GOLGA3: variants seen among roughly 807,000 people sequenced by gnomAD.
The protein encoded by GOLGA3 is golgin subfamily A member 3.
A neutral mutation model predicts 169.4 loss-of-function variants in GOLGA3; 75 were observed. The observed-to-expected ratio is 0.44, with a 90% confidence interval of 0.37 to 0.54. The LOEUF (loss-of-function observed/expected upper bound fraction) is 0.54, where lower values mean the gene tolerates loss of function less well. Ranked by LOEUF, GOLGA3 falls within the 20% of genes least tolerant of loss-of-function variation. The probability of loss-of-function intolerance (pLI) is 0.00; values close to 1 mark genes in which losing one functional copy is unlikely to be tolerated. For missense variants in GOLGA3, 1,899 were observed against 1,930.0 expected (o/e 0.98, Z 0.30); for synonymous variants, 824 against 822.4 (o/e 1.00, Z -0.03).
In GOLGA3 at chr12:132,808,589, C is replaced by T. The variant is rs773898589; in HGVS notation, c.520-40G>A. On this transcript the variant is annotated intron_variant, in intron 4 of 23. Transcript: ENST00000450791. ...AAAGTACAAAAATTACATTTAAAAT[C>T]CACAAGCAGCATACTTAAAACTGCC... 2.7e-6 allele frequency: 4 copies of T among 1,490,736 alleles called. No homozygotes were observed. The East Asian group carries it at 9.1e-5, about 34-fold the overall frequency. 92.3% of individuals were successfully genotyped at this position (1,490,736 alleles called of 1,614,324 possible).
intron 18 of GOLGA3, among the ~76,000 whole-genome samples, chr12:132,779,676 G>A (rs957193394): frequency 8.5e-5 from 13 of 152,114 alleles, no homozygotes; most frequent in African/African-American, 2.9e-4. Flanking sequence ...GTTCCTCCTA[G>A]AAATTTTCTA....
chr12:132,827,653 C>T (rs753951228), intron 1 of GOLGA3: 1 of 152,170 alleles, frequency 6.6e-6, no homozygotes, highest in Non-Finnish European at 1.5e-5. Context: ...AAAAAAAGCT[C>T]CTCTTCAATC....
rs200606854 is a variant in GOLGA3, at chr12:132,777,127, G to A, written c.3723-37C>T. 1.4e-5 allele frequency: 21 copies of A among 1,553,338 alleles called. No individual in the cohort carries two copies. Among genetic ancestry groups the A allele is most frequent in the Admixed American group, 4.0e-5 (2 of 50,336 alleles). ...AAACAAGAAAGAAGGGAATCGCCAC[G>A]CTCCTCCAGTGTGCTGTGCCCTCCC... On this transcript the variant is annotated intron_variant, in intron 19 of 23. Coordinates refer to ENST00000450791, the MANE Select transcript of GOLGA3 (RefSeq NM_001389683.1). The surrounding 1 kb of genome is among the most constrained non-coding windows in gnomAD (Gnocchi z 4.7).
At chr12:132,799,578 T>A (rs1224854890) in intron 8 of GOLGA3, among the ~76,000 whole-genome samples, 1 of 152,180 alleles carries the variant, frequency 6.6e-6, no homozygotes, top group African/African-American at 2.4e-5. Flanking sequence ...AGGTCAAGGC[T>A]GCAGGGAGCT....
chr12:132,798,010 G>A (rs1566105285), intron 9 of GOLGA3, among the ~76,000 whole-genome samples: 2 of 152,200 alleles, frequency 1.3e-5, no homozygotes, highest in African/African-American at 4.8e-5. Context: ...GGCAATGACT[G>A]ACAGCCGGGG....
rs1282077705 is a variant in GOLGA3, at chr12:132,773,213, C to T, written c.4389G>A (p.Leu1463=). The change falls in exon 24 of 24, where the codon CTG becomes CTA. Residue 1463 remains leucine, a synonymous_variant. Coordinates refer to ENST00000450791, the MANE Select transcript of GOLGA3 (RefSeq NM_001389683.1). Reference sequence around the variant, plus strand: ...GCACAGGGCTGGCAGTGGCTGGCTCCAGCGGCGTCCACGAGGACAGAGACT... The same window carrying T: ...GCACAGGGCTGGCAGTGGCTGGCTCTAGCGGCGTCCACGAGGACAGAGACT... ...VHESLSSWTP[L]EPATASPVPP... 1 of 1,576,116 alleles carries T rather than the reference C, an allele frequency of 6.3e-7. No individual in the cohort carries two copies. Among genetic ancestry groups the T allele is most frequent in the Non-Finnish European group, 8.6e-7 (1 of 1,158,936 alleles).
At chr12:132,785,716 A>C (rs1352087914) in intron 15 of GOLGA3, among the ~76,000 whole-genome samples, 5 of 152,202 alleles carry the variant, frequency 3.3e-5, no homozygotes, top group African/African-American at 4.8e-5. Context: ...AAGAAGAAAT[A>C]CTAAGTTGTC....
intron 23 of GOLGA3, among the ~76,000 whole-genome samples, chr12:132,773,573 C>T (rs938064796): frequency 8.5e-5 from 13 of 152,224 alleles, no homozygotes; most frequent in African/African-American, 2.9e-4. Context: ...GCCCTCGGGG[C>T]GCCGCCTGGC....
At chr12:132,773,372 T>C in intron 23 of GOLGA3, 78 bp from the exon 24 acceptor site, 1 of 925,544 alleles carries the variant, frequency 1.1e-6, no homozygotes, top group African/African-American at 1.7e-5. Flanking sequence ...ACAGCGTCAC[T>C]CGCTAGCACC....
chr12:132,821,331 C>G (rs1009785588), intron 2 of GOLGA3, among the ~76,000 whole-genome samples: 1 of 151,554 alleles, frequency 6.6e-6, no homozygotes, highest in Non-Finnish European at 1.5e-5. Flanking sequence ...TGCTTGAACC[C>G]GGGAAGTGGA....
chr12:132,814,024 T>A (rs888111149), intron 3 of GOLGA3, among the ~76,000 whole-genome samples: 4 of 28,428 alleles, frequency 1.4e-4, no homozygotes. Context: ...GCGCCCGGCC[T>A]TTTTTTTTTT....
intron 4 of GOLGA3, chr12:132,811,865 G>C: frequency 4.4e-6 from 4 of 916,502 alleles, no homozygotes; most frequent in African/African-American, 1.8e-5. Flanking sequence ...ACATGACATA[G>C]GCTGGGCGCG....
At chr12:132,782,150 C>A (rs189997643) in intron 17 of GOLGA3, 146 bp downstream of exon 17, 5 of 773,818 alleles carry the variant, frequency 6.5e-6, no homozygotes, top group Non-Finnish European at 1.1e-5. Context: ...GTGGGTCACC[C>A]GGACTCCTGA....
At chr12:132,782,609 G>C (rs1355015076) in intron 16 of GOLGA3, 116 bp from the exon 17 acceptor site, 11 of 790,064 alleles carry the variant, frequency 1.4e-5, no homozygotes, top group Non-Finnish European at 2.4e-5. Flanking sequence ...AGGCGCAGAG[G>C]CTCACGCCTG....
At chr12:132,822,503 G>A (rs907697571) in intron 1 of GOLGA3, among the ~76,000 whole-genome samples, 192 bp from the exon 2 acceptor site, 1 of 152,246 alleles carries the variant, frequency 6.6e-6, no homozygotes, top group Admixed American at 6.5e-5. Flanking sequence ...GCCACACTGG[G>A]CCCTTTCCTG....
intron 11 of GOLGA3, among the ~76,000 whole-genome samples, chr12:132,794,077 C>T (rs1948695340): frequency 6.6e-6 from 1 of 152,212 alleles, no homozygotes; most frequent in Non-Finnish European, 1.5e-5. Context: ...TTCATCCGTT[C>T]CGATGATCCT....
rs1234907081 is a variant in GOLGA3, at chr12:132,804,627, G to A, written c.1597+89C>T. On this transcript the variant is annotated intron_variant, in intron 7 of 23. Transcript: ENST00000450791. The surrounding 1 kb of genome is among the most constrained non-coding windows in gnomAD (Gnocchi z 4.1). ...GCAGCAAGGACCAGTCAGGGAAGGAGGAGGGCGTGGCGGGGGCCAGTCGAG... is the reference window on the plus strand; with the variant it reads ...GCAGCAAGGACCAGTCAGGGAAGGAAGAGGGCGTGGCGGGGGCCAGTCGAG... 2 of 1,080,814 alleles carry A rather than the reference G, an allele frequency of 1.9e-6. No individual in the cohort carries two copies. The highest frequency in any genetic ancestry group is 1.5e-5 in the African/African-American group (1 of 64,996). 67.0% of individuals were successfully genotyped at this position (1,080,814 alleles called of 1,614,324 possible).
At chr12:132,812,891 G>T (rs1043906000) in intron 4 of GOLGA3, among the ~76,000 whole-genome samples, 4 of 152,278 alleles carry the variant, frequency 2.6e-5, no homozygotes, top group Non-Finnish European at 5.9e-5. Context: ...AAGAGATTAC[G>T]ACTTGCTGAA....
intron 13 of GOLGA3, among the ~76,000 whole-genome samples, chr12:132,788,687 C>T (rs1285450699): frequency 6.6e-6 from 1 of 152,220 alleles, no homozygotes; most frequent in Non-Finnish European, 1.5e-5. Context: ...TGCATGACAG[C>T]CGCTGTCCTC....
Sources: gnomAD v4.1 joint callset for allele counts (sites outside exome capture counted in the v4.1 genomes callset) on GRCh38, gnomAD v4.1.1 for gene constraint, Gnocchi (gnomAD v3.1) non-coding constraint, MANE v1.5 for transcripts, NCBI Gene and HGNC (gene_info 2026-07-23, HGNC 2026-07-21) for gene names.